TLN2: variants seen among roughly 807,000 people sequenced by gnomAD.
TLN2 encodes the protein talin 2.
Under a neutral mutation model 294.7 loss-of-function variants are expected in TLN2, and 118 were observed. That is an observed-to-expected ratio of 0.40 (90% CI 0.34 to 0.47). The LOEUF is 0.47. Ranked by LOEUF, TLN2 falls within the 20% of genes least tolerant of loss-of-function variation. The pLI is 0.84. For missense variants in TLN2, 3,083 were observed against 3,282.2 expected, an observed-to-expected ratio of 0.94 and a Z score of 1.48; for synonymous variants, 1,431 against 1,304.5, an observed-to-expected ratio of 1.10 and a Z score of -2.09.
intron 1 of TLN2, among the ~76,000 whole-genome samples, chr15:62,420,268 T>G (rs2140270302): frequency 6.6e-6 from 1 of 152,332 alleles, no homozygotes; most frequent in Non-Finnish European, 1.5e-5. Flanking sequence ...GTGTTAAATA[T>G]TTTCATAGAA....
intron 1 of TLN2, among the ~76,000 whole-genome samples, chr15:62,449,669 G>A (rs1010106716): frequency 7.2e-5 from 11 of 152,096 alleles, no homozygotes; most frequent in African/African-American, 2.7e-4. Flanking sequence ...CAGCGACTTG[G>A]GAGGCTGAAG....
chr15:62,474,641 A>G (rs2140369051), intron 1 of TLN2, among the ~76,000 whole-genome samples: 1 of 152,288 alleles, frequency 6.6e-6, no homozygotes, highest in Middle Eastern at 3.4e-3. Flanking sequence ...ACCCTGTCTC[A>G]AAAAAGAATA....
intron 1 of TLN2, among the ~76,000 whole-genome samples, chr15:62,578,573 A>G (rs1427626971): frequency 6.6e-6 from 1 of 152,112 alleles, no homozygotes. Flanking sequence ...CTCAAAACAA[A>G]CAAACAAAAA....
chr15:62,532,701 A>C (rs1250719694), intron 1 of TLN2, among the ~76,000 whole-genome samples: 1 of 152,106 alleles, frequency 6.6e-6, no homozygotes, highest in Non-Finnish European at 1.5e-5. Flanking sequence ...GGTTTTTGTG[A>C]ATTTGCTTCC....
intron 29 of TLN2, 88 bp downstream of exon 29, chr15:62,737,174 A>C: frequency 7.4e-7 from 1 of 1,343,850 alleles, no homozygotes; most frequent in Non-Finnish European, 1.0e-6. Context: ...CTTTTCCCTG[A>C]TATGAACACT....
At chr15:62,738,959 C>T (rs2061173354) in intron 30 of TLN2, among the ~76,000 whole-genome samples, 1 of 152,148 alleles carries the variant, frequency 6.6e-6, no homozygotes. Flanking sequence ...GAGCATCTGC[C>T]TTTTAGTTTA....
intron 2 of TLN2, among the ~76,000 whole-genome samples, chr15:62,596,137 C>T (rs2046487188): frequency 6.6e-6 from 1 of 151,792 alleles, no homozygotes; most frequent in South Asian, 2.1e-4. Flanking sequence ...CAGTGGCAGG[C>T]GCCTGTAGTC....
intron 1 of TLN2, among the ~76,000 whole-genome samples, chr15:62,457,670 A>G (rs550903677): frequency 6.0e-4 from 91 of 152,284 alleles, no homozygotes; most frequent in African/African-American, 1.8e-3. Flanking sequence ...ACATGTCTAG[A>G]TGATAAAGCC....
chr15:62,657,809 C>G lies in TLN2; in HGVS notation c.699C>G (p.Ser233=). Residue 233 remains serine, a synonymous_variant, in exon 9 of 59, where the codon TCC becomes TCG. Transcript: ENST00000636159. ...TCCTGAATGGCTCTCACCCTGTCTC[C>G]TTCGAGAAAGCTTGTGAGTTTGGTG... The part of the protein sequence containing the change: ...DDILNGSHPV[S]FEKACEFGGF... The G allele has an allele frequency of 6.2e-7, 1 of 1,613,864 alleles. No individual in the cohort carries two copies. Among genetic ancestry groups the G allele is most frequent in the African/African-American group, 1.3e-5 (1 of 75,034 alleles).
chr15:62,532,970 T>C (rs2041129750), intron 1 of TLN2, among the ~76,000 whole-genome samples: 1 of 152,050 alleles, frequency 6.6e-6, no homozygotes, highest in Non-Finnish European at 1.5e-5. Flanking sequence ...ATGTGGATTC[T>C]AGGCTGGGCG....
chr15:62,571,180 G>A lies in TLN2; in HGVS notation c.-237-18507G>A, dbSNP rs182735551. The stretch of plus-strand genomic sequence containing the variant: ...TGTAGATGCCAGTTGCACTGAGGGT[G>A]CTCGGGAGATGAGCCTGACACTTGG... On this transcript the variant is annotated intron_variant, in intron 1 of 58. Coordinates refer to ENST00000636159, the MANE Select transcript of TLN2 (RefSeq NM_015059.3). Among the ~76,000 whole-genome samples the A allele has an allele frequency of 4.6e-5, 7 of 152,334 alleles. No homozygotes were observed. The East Asian group carries it at 1.4e-3, about 29-fold the overall frequency.
chr15:62,440,564 GACTGTCCTC>G, intron 1 of TLN2, among the ~76,000 whole-genome samples: 1 of 152,312 alleles, frequency 6.6e-6, no homozygotes, highest in East Asian at 1.9e-4. Context: ...GGACGGTGCT[GACTGTCCTC>G]ACTGTCCTCC....
At chr15:62,549,821 A>G (rs2042198870) in intron 1 of TLN2, among the ~76,000 whole-genome samples, 1 of 152,144 alleles carries the variant, frequency 6.6e-6, no homozygotes, top group African/African-American at 2.4e-5. Context: ...TGATAAATGA[A>G]TCAAGGCCAC....
intron 45 of TLN2, among the ~76,000 whole-genome samples, chr15:62,787,091 T>TC (rs897785990): frequency 6.6e-6 from 1 of 152,118 alleles, no homozygotes; most frequent in African/African-American, 2.4e-5. Context: ...TGACAAGGTC[T>TC]CACTATGTTG....
intron 1 of TLN2, among the ~76,000 whole-genome samples, chr15:62,507,765 A>C (rs1023096038): frequency 6.6e-6 from 1 of 152,252 alleles, no homozygotes; most frequent in Non-Finnish European, 1.5e-5. Flanking sequence ...GGATGTAGGC[A>C]GTACTGGGCA....
At chr15:62,501,206 A>G (rs1003350104) in intron 1 of TLN2, among the ~76,000 whole-genome samples, 4 of 152,214 alleles carry the variant, frequency 2.6e-5, no homozygotes, top group Non-Finnish European at 5.9e-5. Context: ...AGGAACTTTT[A>G]TCTCTACTTC....
At chr15:62,459,154 C>G (rs543221037) in intron 1 of TLN2, among the ~76,000 whole-genome samples, 1 of 152,096 alleles carries the variant, frequency 6.6e-6, no homozygotes, top group Non-Finnish European at 1.5e-5. Flanking sequence ...GTTCCTGCCA[C>G]CAAGCCTGGC....
chr15:62,580,690 C>T (rs1169657390), intron 1 of TLN2, among the ~76,000 whole-genome samples: 2 of 152,126 alleles, frequency 1.3e-5, no homozygotes, highest in East Asian at 3.9e-4. Flanking sequence ...GGATTATAGG[C>T]ATGCACCACT....
intron 5 of TLN2, among the ~76,000 whole-genome samples, chr15:62,651,100 A>AT (rs2052536362): frequency 6.6e-6 from 1 of 152,248 alleles, no homozygotes; most frequent in African/African-American, 2.4e-5. Flanking sequence ...AGACATAGAG[A>AT]TAGTAAAAAT....
Sources: allele counts gnomAD v4.1 joint callset (sites outside exome capture counted in the v4.1 genomes callset), GRCh38; gene constraint gnomAD v4.1.1; transcripts MANE v1.5; gene names NCBI Gene and HGNC (gene_info 2026-07-23, HGNC 2026-07-21).